Variants in FRMPD2 observed in about 807,000 individuals in gnomAD.
FRMPD2 encodes the protein FERM and PDZ domain containing 2, also known as FERM and PDZ domain-containing protein 2.
In FRMPD2, 96 loss-of-function variants were observed where a neutral mutation model predicts 140.1. The observed-to-expected ratio is 0.69, with a 90% confidence interval of 0.58 to 0.81. The LOEUF is 0.81. Ranked by LOEUF, FRMPD2 falls within the 40% of genes least tolerant of loss-of-function variation. FRMPD2 has a pLI of 0.00. For synonymous variants in FRMPD2, 449 were observed against 547.6 expected, an observed-to-expected ratio of 0.82 and a Z score of 2.52; for missense variants, 1,240 against 1,447.4, an observed-to-expected ratio of 0.86 and a Z score of 2.32.
At chr10:48,171,513 T>G (rs1838254152) in intron 25 of FRMPD2, among the ~76,000 whole-genome samples, 1 of 152,300 alleles carries the variant, frequency 6.6e-6, no homozygotes. Flanking sequence ...GGAAACAGGT[T>G]AAATACGCTA....
chr10:48,194,032 G>A (rs965303821), intron 15 of FRMPD2, among the ~76,000 whole-genome samples: 2 of 152,196 alleles, frequency 1.3e-5, no homozygotes, highest in Admixed American at 1.3e-4. Context: ...TGCAGCTTTT[G>A]CACAAATTGC....
At chr10:48,220,229 T>TA (rs1166426449) in intron 12 of FRMPD2, among the ~76,000 whole-genome samples, 3 of 152,104 alleles carry the variant, frequency 2.0e-5, no homozygotes, top group Non-Finnish European at 4.4e-5. Flanking sequence ...GGTACTGGTA[T>TA]AAAAATAGGC....
At chr10:48,167,723 G>C (rs1296582235) in intron 27 of FRMPD2, among the ~76,000 whole-genome samples, 16 of 151,980 alleles carry the variant, frequency 1.1e-4, no homozygotes, top group Admixed American at 9.8e-4. Context: ...ATGGTACACA[G>C]ATAGGCGGTC....
At chr10:48,190,552 C>A (rs1416260362) in intron 16 of FRMPD2, among the ~76,000 whole-genome samples, 2 of 152,178 alleles carry the variant, frequency 1.3e-5, no homozygotes, top group African/African-American at 4.8e-5. Flanking sequence ...GGCATCACCT[C>A]CACAAAAACA....
intron 16 of FRMPD2, among the ~76,000 whole-genome samples, chr10:48,191,491 T>A (rs140281573): frequency 6.6e-6 from 1 of 152,350 alleles, no homozygotes; most frequent in Non-Finnish European, 1.5e-5. Context: ...CAGCAATAGA[T>A]GCTCGAAACC....
intron 1 of FRMPD2, among the ~76,000 whole-genome samples, chr10:48,259,757 A>G (rs1387189405): frequency 2.6e-5 from 4 of 152,010 alleles, no homozygotes; most frequent in Non-Finnish European, 5.9e-5. Context: ...CTTATAGAGC[A>G]AGTACATACC....
intron 12 of FRMPD2, among the ~76,000 whole-genome samples, chr10:48,213,018 C>T (rs1839364497): frequency 6.6e-6 from 1 of 152,204 alleles, no homozygotes; most frequent in South Asian, 2.1e-4. Flanking sequence ...CATTTCCCTC[C>T]AGTTGAGGGC....
chr10:48,177,910 C>T (rs1177975242), intron 22 of FRMPD2, 137 bp downstream of exon 22: 1 of 591,188 alleles, frequency 1.7e-6, no homozygotes, highest in African/African-American at 1.9e-5. Context: ...TGCAGGCCCC[C>T]ACTGGCTTTT....
At position 48,236,566 on chromosome 10, in the gene FRMPD2, A is replaced by G. The variant is rs755326747; in HGVS notation, c.922-13T>C. 1 of 1,613,304 alleles carries G rather than the reference A, an allele frequency of 6.2e-7. No individual in the cohort carries two copies. Among genetic ancestry groups the G allele is most frequent in the Non-Finnish European group, 8.5e-7 (1 of 1,179,298 alleles). On this transcript the variant is annotated splice_polypyrimidine_tract_variant and intron_variant, in intron 8 of 28. Coordinates refer to ENST00000374201, the MANE Select transcript of FRMPD2 (RefSeq NM_001018071.4). ...CTGGCCTGGAAAACTGGAGGAAAAC[A>G]GTCACATATGGTAGAGAAGACAACA...
chr10:48,250,075 A>T (rs1840339190), intron 2 of FRMPD2, among the ~76,000 whole-genome samples: 1 of 147,784 alleles, frequency 6.8e-6, no homozygotes, highest in Non-Finnish European at 1.5e-5. Context: ...CACCTTCTCA[A>T]ATCTACACAG....
Position 48,236,523 on chromosome 10 carries a change from C to T in FRMPD2, c.952G>A (p.Gly318Arg). The T allele has an allele frequency of 6.2e-7, 1 of 1,614,220 alleles. No homozygotes were observed. The highest frequency in any genetic ancestry group is 8.5e-7 in the Non-Finnish European group (1 of 1,180,018). The part of the protein sequence containing the change: ...FSRPEFILLA[G>R]EAPMTLHLPG... Reference sequence around the variant, plus strand: ...AGATGTAGTGTCATCGGGGCCTCTCCAGCCAACAGGATGAACTCTGGCCTG... The same window carrying T: ...AGATGTAGTGTCATCGGGGCCTCTCTAGCCAACAGGATGAACTCTGGCCTG... Residue 318 changes from glycine (G) to arginine (R), a missense_variant, in exon 9 of 29, where the codon GGA (glycine) becomes AGA (arginine). Around this residue, in one of 6 missense-constraint regions of FRMPD2, gnomAD observed 1,161 missense variants for 1,055.9 expected, o/e 1.10. Transcript: ENST00000374201.
At chr10:48,188,717 G>A (rs1838754680) in intron 16 of FRMPD2, among the ~76,000 whole-genome samples, 1 of 152,146 alleles carries the variant, frequency 6.6e-6, no homozygotes, top group African/African-American at 2.4e-5. Flanking sequence ...ATGCTGAGGT[G>A]GCCTTCAGGT....
chr10:48,209,396 T>C (rs1330878846), intron 13 of FRMPD2, among the ~76,000 whole-genome samples: 1 of 152,232 alleles, frequency 6.6e-6, no homozygotes, highest in Non-Finnish European at 1.5e-5. Context: ...AGACAGACTA[T>C]GGTATTCAGC....
intron 1 of FRMPD2, among the ~76,000 whole-genome samples, chr10:48,263,145 T>C (rs2131983605): frequency 6.6e-6 from 1 of 152,200 alleles, no homozygotes; most frequent in South Asian, 2.1e-4. Context: ...GTTACCAAAA[T>C]TTGTGAGATG....
intron 4 of FRMPD2, among the ~76,000 whole-genome samples, chr10:48,243,927 A>C (rs1205848701): frequency 6.6e-6 from 1 of 152,242 alleles, no homozygotes; most frequent in Non-Finnish European, 1.5e-5. Flanking sequence ...GGAAATGTAC[A>C]CAAACACTTC....
intron 10 of FRMPD2, among the ~76,000 whole-genome samples, chr10:48,223,590 C>G (rs1012629114): frequency 3.6e-4 from 54 of 152,100 alleles, no homozygotes; most frequent in Non-Finnish European, 4.4e-5. Flanking sequence ...AATGGAAAAC[C>G]AAGGAAAGGA....
chr10:48,192,562 C>G, intron 16 of FRMPD2, 122 bp downstream of exon 16: 2 of 885,804 alleles, frequency 2.3e-6, no homozygotes, highest in Non-Finnish European at 3.5e-6. Context: ...ACTCCTCCAG[C>G]CTGGGCAACA....
At chr10:48,206,110 C>G (rs976522399) in intron 14 of FRMPD2, among the ~76,000 whole-genome samples, 3 of 152,152 alleles carry the variant, frequency 2.0e-5, no homozygotes, top group African/African-American at 4.8e-5. Flanking sequence ...CACCAGGGTA[C>G]AGTGCCAGAG....
intron 20 of FRMPD2, 52 bp downstream of exon 20, chr10:48,184,514 C>A: frequency 9.2e-7 from 1 of 1,087,264 alleles, no homozygotes; most frequent in Non-Finnish European, 1.4e-6. Context: ...TAATCATGTA[C>A]TCCTGAAAAC....
Sources: gnomAD v4.1 joint callset for allele counts (sites outside exome capture counted in the v4.1 genomes callset) on GRCh38, gnomAD v4.1.1 for gene constraint, gnomAD v4.1.1 regional missense constraint, MANE v1.5 for transcripts, NCBI Gene and HGNC (gene_info 2026-07-23, HGNC 2026-07-21) for gene names.